Variants in SIPA1L2 observed in about 807,000 individuals in gnomAD.
SIPA1L2 encodes signal induced proliferation associated 1 like 2.
A neutral mutation model predicts 163.9 loss-of-function variants in SIPA1L2; 56 were observed. The observed-to-expected ratio is 0.34, with a 90% confidence interval of 0.28 to 0.43. The LOEUF is 0.43. Ranked by LOEUF, SIPA1L2 falls within the 20% of genes least tolerant of loss-of-function variation. The probability of loss-of-function intolerance (pLI) is 1.00; values close to 1 mark genes in which losing one functional copy is unlikely to be tolerated. For synonymous variants in SIPA1L2, 877 were observed against 865.7 expected (o/e 1.01, Z -0.23); for missense variants, 1,974 against 2,193.5 (o/e 0.90, Z 2.00).
At chr1:232,409,810 C>T (rs1307544033) in intron 19 of SIPA1L2, among the ~76,000 whole-genome samples, 1 of 152,106 alleles carries the variant, frequency 6.6e-6, no homozygotes, top group East Asian at 1.9e-4. Context: ...CCCAGCTGAG[C>T]CTAGTCAACC....
intron 2 of SIPA1L2, among the ~76,000 whole-genome samples, chr1:232,527,079 T>C (rs1205007304): frequency 6.6e-6 from 1 of 152,010 alleles, no homozygotes; most frequent in East Asian, 1.9e-4. Context: ...ATCTGGTGGG[T>C]GAAGAAAAAT....
intron 2 of SIPA1L2, among the ~76,000 whole-genome samples, chr1:232,573,201 G>A (rs939008328): frequency 7.9e-5 from 12 of 152,116 alleles, no homozygotes; most frequent in Non-Finnish European, 1.5e-4. Flanking sequence ...TAAATGCAGC[G>A]CCTGACCCTA....
intron 9 of SIPA1L2, among the ~76,000 whole-genome samples, 197 bp downstream of exon 9, chr1:232,464,643 T>C (rs1215059570): frequency 1.3e-5 from 2 of 152,348 alleles, no homozygotes; most frequent in Admixed American, 6.5e-5. Context: ...TGATTTATGA[T>C]GGTTGCTTCT....
At position 232,527,834 on chromosome 1, in the gene SIPA1L2, C is replaced by T. The variant is rs146902524; in HGVS notation, c.-269-12226G>A. ...TGCAGCTCAAACTCCTGGACTCAAG[C>T]GATCCTCCCACTTCACTCTCCCAAG... is the stretch of plus-strand genomic sequence containing the variant. On this transcript the variant is annotated intron_variant, in intron 2 of 22. Coordinates refer to ENST00000674635, the MANE Select transcript of SIPA1L2 (RefSeq NM_020808.5). Among the ~76,000 whole-genome samples, 186 of 144,298 alleles carry T rather than the reference C, an allele frequency of 1.3e-3. 2 individuals carry two copies. The highest frequency in any genetic ancestry group is 4.5e-3 in the African/African-American group (175 of 39,178). The allele number at this position is 144,298 out of a possible 152,430, so 94.7% of individuals were successfully genotyped here.
At chr1:232,552,531 G>A (rs1264668838) in intron 2 of SIPA1L2, among the ~76,000 whole-genome samples, 2 of 151,782 alleles carry the variant, frequency 1.3e-5, no homozygotes, top group East Asian at 2.0e-4. Context: ...CCATCACATC[G>A]GGTTAATTTT....
At chr1:232,535,930 T>TTA (rs1466572224) in intron 2 of SIPA1L2, among the ~76,000 whole-genome samples, 2 of 152,210 alleles carry the variant, frequency 1.3e-5, no homozygotes, top group Non-Finnish European at 2.9e-5. Flanking sequence ...AAGTTAGAAA[T>TTA]GTTAGAGTCT....
intron 2 of SIPA1L2, among the ~76,000 whole-genome samples, chr1:232,552,658 CCA>C (rs1392111383): frequency 1.3e-5 from 2 of 152,092 alleles, no homozygotes; most frequent in African/African-American, 2.4e-5. Flanking sequence ...GCATGAACCA[CCA>C]CACACAGCCA....
Position 232,561,654 on chromosome 1 carries a change from T to TAGAAAACAAAAGC in SIPA1L2, c.-270+12507_-270+12519dup, listed in dbSNP as rs1659044857. 2.0e-5 allele frequency: 3 copies of TAGAAAACAAAAGC among 152,108 alleles called. No homozygotes were observed. In the South Asian group the frequency reaches 6.2e-4, roughly 32 times the overall value. The allele number at this position is 152,108 out of a possible 1,614,324, so 9.4% of individuals were successfully genotyped here. A position where few individuals can be genotyped will look rare whatever the true frequency, so the allele number is the denominator to read the frequency against. On this transcript the variant is annotated intron_variant, in intron 2 of 22. Transcript: ENST00000674635. The stretch of plus-strand genomic sequence containing the variant: ...TGTTGGTCCTTCCTTATTCTACAGA[T>TAGAAAACAAAAGC]AGAAAACAAAAGCAGAGTACATGCT...
At position 232,592,881 on chromosome 1, in the gene SIPA1L2, C is replaced by T. The variant is rs78177776; in HGVS notation, c.-318-18659G>A. 9.0e-3 allele frequency among the ~76,000 whole-genome samples: 1,366 copies of T among 151,150 alleles called. 21 individuals are homozygous for T. The highest frequency in any genetic ancestry group is 0.032 in the African/African-American group (1,300 of 41,170). Reference sequence around the variant, plus strand: ...CTCTATTTCATAGTCTTCTGCTGTACGACTGGAAAAATGGAAGAAGGGGAA... The same window carrying T: ...CTCTATTTCATAGTCTTCTGCTGTATGACTGGAAAAATGGAAGAAGGGGAA... On this transcript the variant is annotated intron_variant, in intron 1 of 22. Coordinates refer to ENST00000674635, the MANE Select transcript of SIPA1L2 (RefSeq NM_020808.5).
intron 16 of SIPA1L2, among the ~76,000 whole-genome samples, chr1:232,430,156 G>C (rs997429076): frequency 6.6e-6 from 1 of 152,184 alleles, no homozygotes; most frequent in Non-Finnish European, 1.5e-5. Flanking sequence ...GGGGGTGTGT[G>C]CATGTGGTAT....
intron 2 of SIPA1L2, among the ~76,000 whole-genome samples, chr1:232,558,572 C>T (rs1381777841): frequency 1.3e-5 from 2 of 152,246 alleles, no homozygotes; most frequent in East Asian, 1.9e-4. Context: ...TCACATACTC[C>T]GCTACTGAGT....
rs1220799647 is a variant in SIPA1L2, at chr1:232,572,736, T to C, written c.-270+1438A>G. 2.4e-3 allele frequency among the ~76,000 whole-genome samples: 220 copies of C among 91,412 alleles called. 3 individuals are homozygous for C. Among genetic ancestry groups the C allele is most frequent in the African/African-American group, 7.4e-3 (214 of 29,018 alleles). 60.0% of individuals were successfully genotyped at this position (91,412 alleles called of 152,430 possible). The stretch of plus-strand genomic sequence containing the variant: ...ATATATACACACATATATACATACA[T>C]ACATATATATATATATATATATATA... On this transcript the variant is annotated intron_variant, in intron 2 of 22. Coordinates refer to ENST00000674635, the MANE Select transcript of SIPA1L2 (RefSeq NM_020808.5).
chr1:232,530,900 T>C (rs1234972579), intron 2 of SIPA1L2, among the ~76,000 whole-genome samples: 1 of 152,244 alleles, frequency 6.6e-6, no homozygotes, highest in Non-Finnish European at 1.5e-5. Flanking sequence ...CTGAATGTAG[T>C]ACAATTTATT....
intron 2 of SIPA1L2, among the ~76,000 whole-genome samples, chr1:232,563,956 CGTGTGTGTGTGTGTGTGTGTGTGT>C: frequency 1.4e-5 from 1 of 72,210 alleles, no homozygotes; most frequent in Admixed American, 1.6e-4. Flanking sequence ...TTTTTTTTTT[CGTGTGTGTGTGTGTGTGTGTGTGT>C]GTGTGTGTGT....
At chr1:232,566,522 T>C (rs1050741482) in intron 2 of SIPA1L2, among the ~76,000 whole-genome samples, 5 of 152,228 alleles carry the variant, frequency 3.3e-5, no homozygotes, top group African/African-American at 1.2e-4. Flanking sequence ...TAACGGAATA[T>C]ACAAAACTGT....
rs374952058 is a variant in SIPA1L2, at chr1:232,432,363, G to A, written c.4140C>T (p.Pro1380=). ...IVSHSSGQQV[P]GSMSKPYHRQ... ...TGTGGTAGGGCTTGGACATGGACCC[G>A]GGAACCTGTTGTCCGCTGCTGTGAG... The change falls in exon 16 of 23, where the codon CCC becomes CCT. Residue 1380 remains proline, a synonymous_variant. Transcript: ENST00000674635. 199 of 1,614,174 alleles carry A rather than the reference G, an allele frequency of 1.2e-4. No individual in the cohort carries two copies. Among genetic ancestry groups the A allele is most frequent in the Non-Finnish European group, 1.5e-4 (176 of 1,180,042 alleles).
At chr1:232,502,734 C>T (rs1052165801) in intron 3 of SIPA1L2, among the ~76,000 whole-genome samples, 3 of 152,214 alleles carry the variant, frequency 2.0e-5, no homozygotes, top group African/African-American at 4.8e-5. Context: ...TGCCTCCTAA[C>T]CATCTTCTAA....
chr1:232,516,316 A>G (rs16857516), intron 2 of SIPA1L2, among the ~76,000 whole-genome samples: 2,328 of 152,316 alleles, frequency 0.015, 63 homozygotes, highest in African/African-American at 0.053. Flanking sequence ...ACTGGGTAAG[A>G]AGCTGTTTTC....
At chr1:232,508,042 T>C (rs1325704336) in intron 3 of SIPA1L2, among the ~76,000 whole-genome samples, 2 of 152,232 alleles carry the variant, frequency 1.3e-5, no homozygotes, top group Non-Finnish European at 2.9e-5. Context: ...ATGACATTTA[T>C]ATACCATTTA....
Sources: allele counts gnomAD v4.1 joint callset (sites outside exome capture counted in the v4.1 genomes callset), GRCh38; gene constraint gnomAD v4.1.1; transcripts MANE v1.5; gene names NCBI Gene and HGNC (gene_info 2026-07-23, HGNC 2026-07-21).